Variants in ADGRD1 observed in about 807,000 individuals in gnomAD.
ADGRD1 encodes adhesion G protein-coupled receptor D1, also known as G-protein coupled receptor 133.
ADGRD1 carries 77 observed loss-of-function variants against 113.4 expected under a neutral mutation model. That is an observed-to-expected ratio of 0.68 (90% CI 0.57 to 0.82). The LOEUF is 0.82. Among genes scored for constraint, ADGRD1 ranks in the 40% least tolerant of loss-of-function variants. The pLI, the probability that ADGRD1 is intolerant of heterozygous loss-of-function variation, is 0.00. For synonymous variants in ADGRD1, 474 were observed against 475.0 expected, an observed-to-expected ratio of 1.00 and a Z score of 0.03; for missense variants, 1,036 against 1,139.1, an observed-to-expected ratio of 0.91 and a Z score of 1.30.
chr12:130,994,138 G>C, intron 8 of ADGRD1: 1 of 339,182 alleles, frequency 2.9e-6, no homozygotes, highest in Non-Finnish European at 6.2e-6. Context: ...GTGTGGGAGC[G>C]CTTCCGGGCT....
chr12:131,116,788 C>A (rs1417059742), intron 18 of ADGRD1, among the ~76,000 whole-genome samples: 1 of 152,212 alleles, frequency 6.6e-6, no homozygotes, highest in Non-Finnish European at 1.5e-5. Context: ...CATCTCTCTC[C>A]CATCCTTCCC....
chr12:131,066,453 TG>T (rs1250621086), intron 13 of ADGRD1, among the ~76,000 whole-genome samples: 2 of 152,190 alleles, frequency 1.3e-5, no homozygotes, highest in Non-Finnish European at 2.9e-5. Context: ...GATGCCTGGC[TG>T]GGCCATTGTC....
intron 4 of ADGRD1, among the ~76,000 whole-genome samples, chr12:130,979,777 C>T (rs1003827399): frequency 5.4e-5 from 8 of 148,004 alleles, no homozygotes; most frequent in African/African-American, 2.0e-4. Flanking sequence ...GGATGTATTT[C>T]CAGCTGTCAG....
At chr12:131,024,477 G>A (rs957854783) in intron 13 of ADGRD1, 1 of 152,200 alleles carries the variant, frequency 6.6e-6, no homozygotes, top group Non-Finnish European at 1.5e-5. Context: ...GATAGATTGC[G>A]TATACCACAG....
chr12:131,074,408 G>A (rs376507494), intron 13 of ADGRD1, among the ~76,000 whole-genome samples: 40 of 152,332 alleles, frequency 2.6e-4, no homozygotes, highest in South Asian at 8.3e-4. Context: ...AGGTGAATGC[G>A]GCTGTCCCCC....
Position 131,104,883 on chromosome 12 carries a change from C to T in ADGRD1, c.1724C>T (p.Ser575Phe). Reference protein sequence around the residue: ...ALSSISYVGCSLSVLCLVATL... With the variant: ...ALSSISYVGCFLSVLCLVATL... ...TCGTCTATCAGCTATGTGGGCTGCT[C>T]CCTCTCCGTGCTCTGCCTGGTGGCC... Residue 575 changes from serine (S) to phenylalanine (F), a missense_variant, in exon 16 of 25, where the codon TCC becomes TTC. Ser to Phe is a radical substitution (Grantham distance 155, BLOSUM62 -2). Coordinates refer to ENST00000261654, the MANE Select transcript of ADGRD1 (RefSeq NM_198827.5). The T allele has an allele frequency of 2.6e-6, 4 of 1,551,440 alleles. No homozygotes were observed. The highest frequency in any genetic ancestry group is 3.5e-6 in the Non-Finnish European group (4 of 1,147,304).
At position 130,956,045 on chromosome 12, in the gene ADGRD1, T is replaced by C. The variant is rs1727380; in HGVS notation, c.103+1385T>C. On this transcript the variant is annotated intron_variant, in intron 2 of 24. Transcript: ENST00000261654. ...CTCGGGTGATCCAACCACCTCGGCC[T>C]CCCAAAGTGTTGGGATTACAGATGT... 8.7e-3 allele frequency among the ~76,000 whole-genome samples: 1,325 copies of C among 152,338 alleles called. 14 individuals are homozygous for C. Among genetic ancestry groups the C allele is most frequent in the African/African-American group, 0.031 (1,270 of 41,582 alleles).
chr12:131,126,743 G>A (rs1429788192), intron 20 of ADGRD1, among the ~76,000 whole-genome samples: 1 of 152,128 alleles, frequency 6.6e-6, no homozygotes, highest in Non-Finnish European at 1.5e-5. Context: ...TCTGCAGTGA[G>A]GCCTGTGAGT....
intron 13 of ADGRD1, among the ~76,000 whole-genome samples, chr12:131,064,899 A>G (rs764835518): frequency 2.0e-5 from 3 of 152,196 alleles, no homozygotes; most frequent in Non-Finnish European, 2.9e-5. Flanking sequence ...TCCTGCCTAG[A>G]TGCATAGATG....
chr12:131,044,325 G>A (rs755169299), intron 13 of ADGRD1, among the ~76,000 whole-genome samples: 26 of 152,288 alleles, frequency 1.7e-4, no homozygotes, highest in Admixed American at 1.3e-3. Flanking sequence ...GCCACGCTGT[G>A]TCTGCAGAGC....
At chr12:131,114,511 A>G (rs1950418355) in intron 18 of ADGRD1, among the ~76,000 whole-genome samples, 1 of 152,054 alleles carries the variant, frequency 6.6e-6, no homozygotes, top group Non-Finnish European at 1.5e-5. Flanking sequence ...GAGCCCAAGA[A>G]CTGTGTCTTT....
chr12:130,990,754 A>G (rs1874276255), intron 6 of ADGRD1: 1 of 365,126 alleles, frequency 2.7e-6, no homozygotes, highest in African/African-American at 2.1e-5. Flanking sequence ...ATCTTTTGAT[A>G]TGCTGACTTG....
intron 8 of ADGRD1, among the ~76,000 whole-genome samples, chr12:130,995,855 C>G (rs1277328095): frequency 2.0e-5 from 3 of 151,934 alleles, no homozygotes; most frequent in Non-Finnish European, 4.4e-5. Context: ...GGAAGGTCAG[C>G]AGATAAACAA....
chr12:130,996,607 G>C (rs1184506749), intron 8 of ADGRD1, among the ~76,000 whole-genome samples: 1 of 116,558 alleles, frequency 8.6e-6, no homozygotes. Flanking sequence ...AGGGGCGGCC[G>C]GGCAGAGGCG....
chr12:131,065,246 G>A (rs562302051), intron 13 of ADGRD1, among the ~76,000 whole-genome samples: 39 of 152,310 alleles, frequency 2.6e-4, no homozygotes, highest in Admixed American at 6.5e-4. Flanking sequence ...GAGAGAAAAC[G>A]GAGTGACAGG....
chr12:131,010,217 A>C (rs1472538490), intron 12 of ADGRD1, among the ~76,000 whole-genome samples: 4 of 152,172 alleles, frequency 2.6e-5, no homozygotes, highest in Admixed American at 6.5e-5. Context: ...CAAGATTTGG[A>C]GTTTCCTTCA....
At chr12:131,137,188 C>G (rs1336733739) in intron 23 of ADGRD1, 174 bp downstream of exon 23, 3 of 641,548 alleles carry the variant, frequency 4.7e-6, no homozygotes, top group Admixed American at 4.9e-5. Context: ...CTGAGCAGCT[C>G]TTCTCTCCCC....
intron 12 of ADGRD1, among the ~76,000 whole-genome samples, chr12:131,010,385 T>C (rs1356136147): frequency 1.3e-5 from 2 of 152,246 alleles, no homozygotes; most frequent in Non-Finnish European, 1.5e-5. Flanking sequence ...TCATTTGCGA[T>C]GTTTGTTCAC....
At chr12:131,074,840 G>A (rs1157084158) in intron 13 of ADGRD1, among the ~76,000 whole-genome samples, 1 of 152,228 alleles carries the variant, frequency 6.6e-6, no homozygotes, top group East Asian at 1.9e-4. Context: ...CCAAGAGGAA[G>A]CTAGCTGCCT....
Sources: gnomAD v4.1 joint callset for allele counts (sites outside exome capture counted in the v4.1 genomes callset) on GRCh38, gnomAD v4.1.1 for gene constraint, MANE v1.5 for transcripts, NCBI Gene and HGNC (gene_info 2026-07-23, HGNC 2026-07-21) for gene names.